KIDINS220: variants seen among roughly 807,000 people sequenced by gnomAD.
KIDINS220 encodes kinase D-interacting substrate of 220 kDa.
A neutral mutation model predicts 157.6 loss-of-function variants in KIDINS220; 63 were observed. That is an observed-to-expected ratio of 0.40 (90% CI 0.33 to 0.49). The LOEUF (loss-of-function observed/expected upper bound fraction) is 0.49. Among genes scored for constraint, KIDINS220 ranks in the 20% least tolerant of loss-of-function variants. The pLI is 0.66. For synonymous variants in KIDINS220, 732 were observed against 783.6 expected (o/e 0.93, Z 1.10); for missense variants, 1,772 against 2,171.2 (o/e 0.82, Z 3.65).
rs1480143255 is a variant in KIDINS220, at chr2:8,786,284, G to C, written c.1861C>G (p.Leu621Val). ...AACTCTCTTTCACAAGCATCCGAGA[G>C]GGTTGCAATCATTTCAGCCAGAGAA... Reference protein sequence around the residue: ...ETSLAEMIATLSDACEREFGF... With the variant: ...ETSLAEMIATVSDACEREFGF... Residue 621 changes from leucine (L) to valine (V), a missense_variant, in exon 16 of 30, where the codon CTC becomes GTC. Around this residue, in one of 3 missense-constraint regions of KIDINS220, gnomAD observed 725 missense variants for 1,017.1 expected, o/e 0.71. Coordinates refer to ENST00000256707, the MANE Select transcript of KIDINS220 (RefSeq NM_020738.4). 6.2e-7 allele frequency: 1 copy of C among 1,614,086 alleles called. No homozygotes were observed. Among genetic ancestry groups the C allele is most frequent in the Non-Finnish European group, 8.5e-7 (1 of 1,179,966 alleles).
intron 11 of KIDINS220, among the ~76,000 whole-genome samples, chr2:8,794,655 A>G (rs1054472031): frequency 3.9e-5 from 6 of 152,094 alleles, no homozygotes; most frequent in African/African-American, 7.2e-5. Context: ...AGCATCTCCA[A>G]TCACATTAGT....
Position 8,785,871 on chromosome 2 carries a change from A to G in KIDINS220, c.2099T>C (p.Val700Ala), listed in dbSNP as rs778229634. The G allele has an allele frequency of 6.2e-7, 1 of 1,614,150 alleles. No homozygotes were observed. Among genetic ancestry groups the G allele is most frequent in the East Asian group, 2.2e-5 (1 of 44,884 alleles). ...ACAGTTCAACACAAAGGCCAATCCC[A>G]CTACAGATGCGATTGATATGAGGAC... ...NAVLISIASV[V>A]GLAFVLNCRT... Residue 700 changes from valine (V) to alanine (A), a missense_variant, in exon 17 of 30, where the codon GTG becomes GCG. This residue lies in a region of KIDINS220 where 725 missense variants were observed against 1,017.1 expected (regional missense o/e 0.71). Transcript: ENST00000256707.
chr2:8,798,328 T>G (rs374785116), intron 9 of KIDINS220, 28 bp from the exon 10 acceptor site: 9 of 1,227,514 alleles, frequency 7.3e-6, no homozygotes, highest in Non-Finnish European at 9.6e-6. Context: ...ACACAATCAC[T>G]TCATGTAAGA....
At chr2:8,760,185 A>C (rs1322989706) in intron 22 of KIDINS220, among the ~76,000 whole-genome samples, 1 of 152,242 alleles carries the variant, frequency 6.6e-6, no homozygotes, top group East Asian at 1.9e-4. Context: ...AGCTGTGCTC[A>C]TAAGTCATCC....
Position 8,778,645 on chromosome 2 carries a change from A to G in KIDINS220, c.2697T>C (p.Asn899=). ...GAAGCCAATGGCATCTTACCCGTCT[A>G]TTGAGGGCTGTCTTGCTACCAAGTT... ...MTKLGSKTAL[N]RRDTYRRRQM... Residue 899 remains asparagine (N), a synonymous_variant, in exon 20 of 30, where the codon AAT becomes AAC. Transcript: ENST00000256707. 6.2e-7 allele frequency: 1 copy of G among 1,611,674 alleles called. No individual in the cohort carries two copies. Among genetic ancestry groups the G allele is most frequent in the Non-Finnish European group, 8.5e-7 (1 of 1,177,766 alleles).
At chr2:8,810,438 A>G (rs1676121387) in intron 6 of KIDINS220, among the ~76,000 whole-genome samples, 1 of 152,212 alleles carries the variant, frequency 6.6e-6, no homozygotes. Context: ...AGCTATATGG[A>G]AACATTTTAT....
chr2:8,813,269 A>G lies in KIDINS220; in HGVS notation c.373T>C (p.Ser125Pro). Reference protein sequence around the residue: ...GRTDVVELLLSHGANPSVTGL... With the variant: ...GRTDVVELLLPHGANPSVTGL... ...GTGACACTTGGATTGGCACCATGAG[A>G]AAGAAGCAACTCTACTACGTCAGTA... is the stretch of plus-strand genomic sequence containing the variant. The change falls in exon 5 of 30, where the codon TCT becomes CCT. Residue 125 changes from serine to proline, a missense_variant. Physicochemically the swap from Ser to Pro is moderately conservative, Grantham distance 74. Coordinates refer to ENST00000256707, the MANE Select transcript of KIDINS220 (RefSeq NM_020738.4). 1.2e-6 allele frequency: 2 copies of G among 1,613,466 alleles called. No homozygotes were observed. Among genetic ancestry groups the G allele is most frequent in the South Asian group, 1.1e-5 (1 of 90,926 alleles).
At position 8,757,417 on chromosome 2, in the gene KIDINS220, C is replaced by A. The variant is rs1178765370; in HGVS notation, c.3012-5773G>T. ...AGTTCAGTAAATGCCAACAGTCTTA[C>A]AGCTTTAACCTTTAGTCATGAGAAG... On this transcript the variant is annotated intron_variant, in intron 22 of 29. Coordinates refer to ENST00000256707, the MANE Select transcript of KIDINS220 (RefSeq NM_020738.4). 5.7e-6 allele frequency: 7 copies of A among 1,224,334 alleles called. No individual in the cohort carries two copies. In the Admixed American group the frequency reaches 1.2e-4, roughly 20 times the overall value. 75.8% of individuals were successfully genotyped at this position (1,224,334 alleles called of 1,614,324 possible).
intron 26 of KIDINS220, among the ~76,000 whole-genome samples, chr2:8,744,402 ATAT>A (rs1558328712): frequency 2.1e-3 from 7 of 3,386 alleles, no homozygotes; most frequent in Admixed American, 6.8e-3. Context: ...TATATATATA[ATAT>A]ATATATATAT....
chr2:8,790,515 T>C (rs1467453926), intron 13 of KIDINS220, among the ~76,000 whole-genome samples: 2 of 152,206 alleles, frequency 1.3e-5, no homozygotes, highest in Non-Finnish European at 2.9e-5. Context: ...TTGAGAATAC[T>C]GTTCTTAAAG....
At chr2:8,774,846 T>A (rs1432732577) in intron 21 of KIDINS220, among the ~76,000 whole-genome samples, 1 of 152,172 alleles carries the variant, frequency 6.6e-6, no homozygotes, top group Non-Finnish European at 1.5e-5. Context: ...GAGCAGAGAA[T>A]AACATGACTG....
chr2:8,783,137 T>C (rs1452603297), intron 17 of KIDINS220, among the ~76,000 whole-genome samples: 2 of 147,906 alleles, frequency 1.4e-5, no homozygotes, highest in Admixed American at 6.8e-5. Flanking sequence ...GTGGAGGTTG[T>C]AGTGAGCTGA....
intron 6 of KIDINS220, among the ~76,000 whole-genome samples, chr2:8,807,796 C>T (rs559147048): frequency 3.9e-5 from 6 of 152,062 alleles, no homozygotes; most frequent in African/African-American, 1.4e-4. Flanking sequence ...CCACAGCCAC[C>T]GCCTCAAAGC....
At chr2:8,836,149 G>C (rs1680353652) in intron 1 of KIDINS220, among the ~76,000 whole-genome samples, 1 of 152,092 alleles carries the variant, frequency 6.6e-6, no homozygotes, top group Non-Finnish European at 1.5e-5. Flanking sequence ...AAGAAAACAG[G>C]TGGAAGATGA....
intron 27 of KIDINS220, among the ~76,000 whole-genome samples, chr2:8,736,506 T>C (rs2147973056): frequency 6.6e-6 from 1 of 152,272 alleles, no homozygotes. Context: ...ATATTACAAT[T>C]AGAAAAAAAT....
At chr2:8,760,091 C>G (rs1418559621) in intron 22 of KIDINS220, among the ~76,000 whole-genome samples, 3 of 152,186 alleles carry the variant, frequency 2.0e-5, no homozygotes, top group Non-Finnish European at 2.9e-5. Flanking sequence ...TAATGACTTA[C>G]ACGTTTTTAA....
At chr2:8,734,225 G>A (rs889499195) in intron 28 of KIDINS220, among the ~76,000 whole-genome samples, 3 of 152,102 alleles carry the variant, frequency 2.0e-5, no homozygotes, top group Non-Finnish European at 4.4e-5. Context: ...GGGGTGGGGG[G>A]GTTAGTGAGG....
chr2:8,757,540 C>A (rs1668165497), intron 22 of KIDINS220: 1 of 1,461,596 alleles, frequency 6.8e-7, no homozygotes, highest in South Asian at 1.4e-5. Flanking sequence ...TTTCAACTAC[C>A]CATTCCGTTG....
At chr2:8,728,489 C>G (rs1007463673), downstream of KIDINS220, among the ~76,000 whole-genome samples, 23 of 152,200 alleles carry the variant, frequency 1.5e-4, no homozygotes, top group African/African-American at 5.6e-4. Context: ...GAGCTATAAA[C>G]AGATACACAC....
Sources: gnomAD v4.1 joint callset for allele counts (sites outside exome capture counted in the v4.1 genomes callset) on GRCh38, gnomAD v4.1.1 for gene constraint, gnomAD v4.1.1 regional missense constraint, MANE v1.5 for transcripts, NCBI Gene and HGNC (gene_info 2026-07-23, HGNC 2026-07-21) for gene names.